Variants in PXDN observed in about 807,000 individuals in gnomAD.
PXDN encodes peroxidasin homolog.
A neutral mutation model predicts 140.3 loss-of-function variants in PXDN; 77 were observed. The ratio of observed to expected loss-of-function variants is 0.55; its 90% CI spans 0.46 to 0.66. PXDN has a LOEUF of 0.66. PXDN is among the 30% of genes least tolerant of loss of function. The pLI is 0.00. For missense variants in PXDN, 1,838 were observed against 2,039.5 expected (o/e 0.90, Z 1.90); for synonymous variants, 911 against 857.4 (o/e 1.06, Z -1.09).
intron 1 of PXDN, among the ~76,000 whole-genome samples, chr2:1,726,220 C>T (rs1685180068): frequency 6.6e-6 from 1 of 151,008 alleles, no homozygotes; most frequent in African/African-American, 2.4e-5. Flanking sequence ...AAATGTGGCA[C>T]ATATACACCA....
At chr2:1,692,937 C>G (rs896249959) in intron 2 of PXDN, 126 bp downstream of exon 2, 1 of 896,770 alleles carries the variant, frequency 1.1e-6, no homozygotes, top group African/African-American at 1.7e-5. Flanking sequence ...ATTTTCCAGC[C>G]TCACTTTCCT....
intron 16 of PXDN, among the ~76,000 whole-genome samples, chr2:1,650,072 A>C (rs73178786): frequency 0.037 from 5,690 of 151,964 alleles, 331 homozygotes; most frequent in African/African-American, 0.13. Context: ...CAGTCACCAC[A>C]CCTCCACACG....
chr2:1,679,152 ATGTG>A (rs772225126), intron 7 of PXDN, among the ~76,000 whole-genome samples: 1 of 128,496 alleles, frequency 7.8e-6, no homozygotes, highest in Non-Finnish European at 1.6e-5. Flanking sequence ...TGGTGTGTGC[ATGTG>A]TGTGTGGTGA....
intron 1 of PXDN, among the ~76,000 whole-genome samples, chr2:1,738,468 A>G (rs1454060456): frequency 3.3e-5 from 5 of 152,228 alleles, no homozygotes; most frequent in Non-Finnish European, 5.9e-5. Flanking sequence ...GCGCAAAGGA[A>G]AAACACCTGG....
chr2:1,723,886 A>G (rs1685112696), intron 1 of PXDN, among the ~76,000 whole-genome samples: 2 of 152,232 alleles, frequency 1.3e-5, no homozygotes, highest in African/African-American at 4.8e-5. Flanking sequence ...GTAAGTTACA[A>G]TCATGAGTAA....
chr2:1,658,818 G>C (rs1683235091), intron 14 of PXDN, among the ~76,000 whole-genome samples: 1 of 132,612 alleles, frequency 7.5e-6, no homozygotes. Flanking sequence ...AGACCAGGCT[G>C]CCCCTGCCAC....
intron 1 of PXDN, among the ~76,000 whole-genome samples, chr2:1,717,631 A>G (rs1684924856): frequency 6.6e-6 from 1 of 152,148 alleles, no homozygotes; most frequent in Non-Finnish European, 1.5e-5. Flanking sequence ...ACAGAATCAC[A>G]AAATAGCTGA....
rs745680619 is a variant in PXDN, at chr2:1,662,128, C to A, written c.1624G>T (p.Val542Leu). Residue 542 changes from valine to leucine, a missense_variant, in exon 13 of 23, where the codon GTG becomes TTG. Transcript: ENST00000252804. Reference protein sequence around the residue: ...SDTTVEVGANVQLPCSSQGEP... With the variant: ...SDTTVEVGANLQLPCSSQGEP... ...CCCTGGGAGCTGCACGGGAGCTGCACATTGGCGCCCACCTCCACTGTTGTG... is the reference window on the plus strand; with the variant it reads ...CCCTGGGAGCTGCACGGGAGCTGCAAATTGGCGCCCACCTCCACTGTTGTG... 6.3e-7 allele frequency: 1 copy of A among 1,597,800 alleles called. No individual in the cohort carries two copies. Among genetic ancestry groups the A allele is most frequent in the Non-Finnish European group, 8.5e-7 (1 of 1,172,520 alleles).
chr2:1,680,492 G>A, intron 6 of PXDN, 130 bp from the exon 7 acceptor site: 1 of 1,113,090 alleles, frequency 9.0e-7, no homozygotes, highest in Non-Finnish European at 1.3e-6. Context: ...ACATGGGGAT[G>A]GGACACGTCT....
chr2:1,694,654 G>A (rs1558512227), intron 1 of PXDN, among the ~76,000 whole-genome samples: 1 of 152,218 alleles, frequency 6.6e-6, no homozygotes. Flanking sequence ...CCTCTAAACA[G>A]ATGAGATTTT....
At chr2:1,717,584 G>A (rs1315816925) in intron 1 of PXDN, among the ~76,000 whole-genome samples, 7 of 139,718 alleles carry the variant, frequency 5.0e-5, no homozygotes, top group African/African-American at 1.1e-4. Flanking sequence ...TTGTTGATGC[G>A]GGAAACTTAT....
rs139931976 is a variant in PXDN, at chr2:1,664,086, T to A, written c.1409-323A>T. 1.3e-3 allele frequency: 381 copies of A among 303,912 alleles called. 3 individuals are homozygous for A. The highest frequency in any genetic ancestry group is 6.8e-3 in the African/African-American group (321 of 47,224). The allele number at this position is 303,912 out of a possible 1,614,324, so 18.8% of individuals were successfully genotyped here. The stretch of plus-strand genomic sequence containing the variant: ...CAGCTGGGAGAACCAGGGAGAGGAT[T>A]GAGTGCTGGAGATGACGAAGAGCCA... On this transcript the variant is annotated intron_variant, in intron 11 of 22. Transcript: ENST00000252804.
intron 1 of PXDN, among the ~76,000 whole-genome samples, chr2:1,698,383 T>C (rs1684344763): frequency 6.6e-6 from 1 of 151,780 alleles, no homozygotes; most frequent in African/African-American, 2.4e-5. Flanking sequence ...CTCCCAGAAA[T>C]GATAACTGTA....
intron 1 of PXDN, among the ~76,000 whole-genome samples, chr2:1,743,548 C>T (rs1248764958): frequency 6.7e-6 from 1 of 149,046 alleles, no homozygotes; most frequent in Non-Finnish European, 1.5e-5. Flanking sequence ...ACTGAGGCTC[C>T]TCTGGGGAGG....
chr2:1,707,585 C>A (rs993231640), intron 1 of PXDN, among the ~76,000 whole-genome samples: 1 of 152,176 alleles, frequency 6.6e-6, no homozygotes, highest in Non-Finnish European at 1.5e-5. Flanking sequence ...TTTGGAAGCA[C>A]GAGGTTGCCA....
chr2:1,716,053 TG>T (rs1684886333), intron 1 of PXDN, among the ~76,000 whole-genome samples: 1 of 152,200 alleles, frequency 6.6e-6, no homozygotes. Flanking sequence ...CAGGCAGGCC[TG>T]GGGTAGAGTC....
Position 1,639,414 on chromosome 2 carries a change from T to G in PXDN, c.3961A>C (p.Thr1321Pro). ...VWQDCCEDCR[T>P]RGQFNAFSYH... ...GAAAAGGCATTGAACTGCCCCCTGG[T>G]CCTACAGTCTAAAATGGAAGCACAA... The change falls in exon 20 of 23, where the codon ACC becomes CCC. Residue 1321 changes from threonine (T) to proline (P), a missense_variant. Physicochemically the swap from Thr to Pro is conservative, Grantham distance 38. This residue lies in a region of PXDN where 850 missense variants were observed against 894.1 expected (regional missense o/e 0.95). Transcript: ENST00000252804. The surrounding 1 kb of genome is among the most constrained non-coding windows in gnomAD (Gnocchi z 5.0). The G allele has an allele frequency of 6.2e-7, 1 of 1,613,978 alleles. No homozygotes were observed. Among genetic ancestry groups the G allele is most frequent in the Admixed American group, 1.7e-5 (1 of 60,022 alleles).
At chr2:1,681,647 C>T (rs1041596129) in intron 6 of PXDN, among the ~76,000 whole-genome samples, 4 of 152,270 alleles carry the variant, frequency 2.6e-5, no homozygotes, top group East Asian at 1.9e-4. Flanking sequence ...ACTGGCCTCA[C>T]GACCAGAATC....
intron 9 of PXDN, among the ~76,000 whole-genome samples, chr2:1,669,176 C>T (rs1471932092): frequency 6.6e-6 from 1 of 152,216 alleles, no homozygotes; most frequent in African/African-American, 2.4e-5. Context: ...TGGAAACCAT[C>T]ATCCTCAGCA....
Sources: gnomAD v4.1 joint callset for allele counts (sites outside exome capture counted in the v4.1 genomes callset) on GRCh38, gnomAD v4.1.1 for gene constraint, gnomAD v4.1.1 regional missense constraint, Gnocchi (gnomAD v3.1) non-coding constraint, MANE v1.5 for transcripts, NCBI Gene and HGNC (gene_info 2026-07-23, HGNC 2026-07-21) for gene names.